The following PGAP4 variants were observed in gnomAD, a reference collection of about 807,000 sequenced individuals.
PGAP4 encodes the protein GPI-N-acetylgalactosamine transferase PGAP4.
Under a neutral mutation model 28.2 loss-of-function variants are expected in PGAP4, and 12 were observed. The ratio of observed to expected loss-of-function variants is 0.42; its 90% CI spans 0.27 to 0.69. The LOEUF (loss-of-function observed/expected upper bound fraction) is 0.69, where lower values mean the gene tolerates loss of function less well. Among genes scored for constraint, PGAP4 ranks in the 30% least tolerant of loss-of-function variants. PGAP4 has a pLI of 0.22. For missense variants in PGAP4, 425 were observed against 513.5 expected, an observed-to-expected ratio of 0.83 and a Z score of 1.67; for synonymous variants, 205 against 211.8, an observed-to-expected ratio of 0.97 and a Z score of 0.28.
At chr9:101,529,524 C>T (rs1827067873) in intron 2 of PGAP4, among the ~76,000 whole-genome samples, 1 of 152,194 alleles carries the variant, frequency 6.6e-6, no homozygotes, top group Non-Finnish European at 1.5e-5. Context: ...TACCAATTAG[C>T]TCTCACGTTT....
chr9:101,508,087 T>G (rs1358566876), intron 2 of PGAP4, among the ~76,000 whole-genome samples: 1 of 151,984 alleles, frequency 6.6e-6, no homozygotes, highest in Non-Finnish European at 1.5e-5. Flanking sequence ...TTTCCCATCT[T>G]GATTTACAGG....
chr9:101,514,196 T>C (rs572247143), intron 2 of PGAP4, among the ~76,000 whole-genome samples: 97 of 152,174 alleles, frequency 6.4e-4, no homozygotes, highest in Middle Eastern at 3.4e-3. Context: ...AGGTGACACA[T>C]AAAATTAGCC....
At chr9:101,502,835 TG>T (rs1826815385) in intron 2 of PGAP4, among the ~76,000 whole-genome samples, 1 of 152,080 alleles carries the variant, frequency 6.6e-6, no homozygotes, top group Non-Finnish European at 1.5e-5. Context: ...ATCTTTTTCT[TG>T]CCACTTCTCA....
chr9:101,491,287 C>G (rs893344628), upstream of PGAP4, among the ~76,000 whole-genome samples: 4 of 152,044 alleles, frequency 2.6e-5, no homozygotes, highest in Non-Finnish European at 5.9e-5. Flanking sequence ...GTTATTCCCC[C>G]CCGATAATAG....
intron 2 of PGAP4, among the ~76,000 whole-genome samples, chr9:101,506,060 A>G (rs16920447): frequency 0.19 from 29,335 of 152,102 alleles, 3,666 homozygotes; most frequent in East Asian, 0.43. Context: ...ATAAAATGTT[A>G]CCATTTGTGC....
intron 2 of PGAP4, among the ~76,000 whole-genome samples, chr9:101,495,256 A>C (rs1395696383): frequency 0.052 from 39 of 750 alleles, 1 homozygote; most frequent in African/African-American, 0.097. Context: ...TATATTATAT[A>C]GTTTATATAT....
intron 2 of PGAP4, among the ~76,000 whole-genome samples, chr9:101,522,260 T>C (rs1826995362): frequency 6.6e-6 from 1 of 152,146 alleles, no homozygotes; most frequent in South Asian, 2.1e-4. Flanking sequence ...AAATCCATTG[T>C]TTCTTTGTTG....
intron 1 of PGAP4, among the ~76,000 whole-genome samples, chr9:101,485,158 C>T (rs1248135634): frequency 2.0e-5 from 3 of 152,066 alleles, no homozygotes; most frequent in Admixed American, 2.0e-4. Context: ...TCTCTCTCTG[C>T]ATTGTGGTGC....
chr9:101,504,374 C>T (rs1352865909), intron 2 of PGAP4, among the ~76,000 whole-genome samples: 3 of 151,702 alleles, frequency 2.0e-5, no homozygotes, highest in African/African-American at 7.3e-5. Flanking sequence ...TCATGAGTCA[C>T]TAATAAAAGC....
At chr9:101,525,804 A>G (rs59782949) in intron 2 of PGAP4, among the ~76,000 whole-genome samples, 12,966 of 152,070 alleles carry the variant, frequency 0.085, 603 homozygotes, top group Middle Eastern at 0.13. Flanking sequence ...CTTATATTTC[A>G]GTGTTAAGAA....
chr9:101,515,893 G>C (rs2118618007), intron 2 of PGAP4, among the ~76,000 whole-genome samples: 1 of 152,172 alleles, frequency 6.6e-6, no homozygotes, highest in African/African-American at 2.4e-5. Context: ...ACTAGTTAAT[G>C]ATAGTGTATA....
chr9:101,484,326 G>T (rs1412423690), intron 1 of PGAP4, among the ~76,000 whole-genome samples: 1 of 152,082 alleles, frequency 6.6e-6, no homozygotes, highest in Admixed American at 6.6e-5. Context: ...AGAACTGCAG[G>T]CAAATGAAAT....
rs1053142037 is a variant in PGAP4, at chr9:101,475,941, G to A, written c.1152C>T (p.Leu384=). 3.1e-6 allele frequency: 5 copies of A among 1,614,096 alleles called. No homozygotes were observed. The highest frequency in any genetic ancestry group is 1.1e-5 in the South Asian group (1 of 91,092). ...GERAYVVEPN[L]VKHIGLFSSL... is the part of the protein sequence containing the mutation. ...TGGAGAAGAGCCCGATGTGTTTCAC[G>A]AGGTTCGGCTCCACTACATAGGCCC... The change falls in exon 2 of 2, where the codon CTC becomes CTT. Residue 384 remains leucine, a synonymous_variant. Coordinates refer to ENST00000374848, the MANE Select transcript of PGAP4 (RefSeq NM_032342.3).
At chr9:101,502,069 C>A (rs888953053) in intron 2 of PGAP4, among the ~76,000 whole-genome samples, 11 of 152,110 alleles carry the variant, frequency 7.2e-5, no homozygotes, top group Non-Finnish European at 1.6e-4. Flanking sequence ...CGCCCTCTTT[C>A]AAAAATACCA....
At chr9:101,497,050 G>C (rs1198747809) in intron 2 of PGAP4, among the ~76,000 whole-genome samples, 3 of 150,192 alleles carry the variant, frequency 2.0e-5, no homozygotes, top group Non-Finnish European at 3.0e-5. Flanking sequence ...CAAGAAATCT[G>C]GAATAATCTA....
chr9:101,531,195 TACACACACAC>T (rs367760603), intron 2 of PGAP4: 63 of 137,500 alleles, frequency 4.6e-4, no homozygotes, highest in African/African-American at 1.2e-3. Flanking sequence ...AATCTCTTTC[TACACACACAC>T]ACACACACAC....
upstream of PGAP4, among the ~76,000 whole-genome samples, chr9:101,491,032 C>T (rs772529860): frequency 5.9e-5 from 9 of 152,146 alleles, no homozygotes; most frequent in Non-Finnish European, 8.8e-5. Context: ...AAGACCATTA[C>T]ACCATTTAAT....
At position 101,476,342 on chromosome 9, in the gene PGAP4, G is replaced by A. The variant is rs1228556295; in HGVS notation, c.751C>T (p.Leu251Phe). The change falls in exon 2 of 2, where the codon CTC becomes TTC. Residue 251 changes from leucine to phenylalanine, a missense_variant. Leu to Phe is a conservative substitution (Grantham distance 22). Coordinates refer to ENST00000374848, the MANE Select transcript of PGAP4 (RefSeq NM_032342.3). This position sits in a 1 kb window ranked among gnomAD's most constrained non-coding sequence, Gnocchi z 7.0. ...GGCTCTGGATTGATGTAGTGCTGGA[G>A]CCTCTCGGGGTGATACAGCTTGAGA... ...LYLKLYHPERLQHYINPEPMR... is the reference protein window; with the variant it reads ...LYLKLYHPERFQHYINPEPMR... The A allele has an allele frequency of 6.2e-7, 1 of 1,614,158 alleles. No individual in the cohort carries two copies. Among genetic ancestry groups the A allele is most frequent in the Non-Finnish European group, 8.5e-7 (1 of 1,180,038 alleles).
chr9:101,486,326 G>A lies in PGAP4; in HGVS notation c.-78+623C>T, dbSNP rs1826612661. 6.6e-6 allele frequency among the ~76,000 whole-genome samples: 1 copy of A among 152,180 alleles called. No individual in the cohort carries two copies. Among genetic ancestry groups the A allele is most frequent in the Non-Finnish European group, 1.5e-5 (1 of 68,022 alleles). ...GGCCGAGCTGACCGTCTCCATCGCT[G>A]CGCTCCTTCCCTTCTGCTGGTTTTT... On this transcript the variant is annotated intron_variant, in intron 1 of 1. Transcript: ENST00000374848. This position sits in a 1 kb window ranked among gnomAD's most constrained non-coding sequence, Gnocchi z 4.7.
Sources: allele counts gnomAD v4.1 joint callset (sites outside exome capture counted in the v4.1 genomes callset), GRCh38; gene constraint gnomAD v4.1.1; non-coding constraint Gnocchi (gnomAD v3.1); transcripts MANE v1.5; gene names NCBI Gene and HGNC (gene_info 2026-07-23, HGNC 2026-07-21).